ORC2: variants seen among roughly 807,000 people sequenced by gnomAD.
ORC2 encodes the protein origin recognition complex subunit 2, also known as origin recognition complex protein 2 homolog.
Under a neutral mutation model 77.7 loss-of-function variants are expected in ORC2, and 37 were observed. The ratio of observed to expected loss-of-function variants is 0.48; its 90% CI spans 0.37 to 0.63. The LOEUF is 0.63. Among genes scored for constraint, ORC2 ranks in the 20% least tolerant of loss-of-function variants. The pLI is 0.00. For synonymous variants in ORC2, 201 were observed against 229.5 expected (o/e 0.88, Z 1.12); for missense variants, 557 against 661.9 (o/e 0.84, Z 1.74).
chr2:200,944,584 G>A (rs956433044), intron 5 of ORC2, among the ~76,000 whole-genome samples: 3 of 152,110 alleles, frequency 2.0e-5, no homozygotes, highest in Non-Finnish European at 4.4e-5. Context: ...AGTACCTGTC[G>A]CCCAGGAGTA....
chr2:200,950,088 T>G (rs949954100), intron 4 of ORC2, among the ~76,000 whole-genome samples: 2 of 152,138 alleles, frequency 1.3e-5, no homozygotes, highest in African/African-American at 2.4e-5. Flanking sequence ...ATCCCAGCAC[T>G]TTGGGAGGCT....
intron 6 of ORC2, 88 bp downstream of exon 6, chr2:200,942,596 TA>T: frequency 1.6e-6 from 1 of 614,116 alleles, no homozygotes; most frequent in Non-Finnish European, 2.7e-6. Flanking sequence ...AAAATATATA[TA>T]AAAATTCACA....
intron 13 of ORC2, among the ~76,000 whole-genome samples, chr2:200,924,916 G>A (rs1166747479): frequency 6.6e-6 from 1 of 151,820 alleles, no homozygotes; most frequent in Admixed American, 6.6e-5. Context: ...GTGCCACCAC[G>A]CCTGGCTAAT....
intron 11 of ORC2, among the ~76,000 whole-genome samples, chr2:200,927,592 A>G (rs1332654778): frequency 6.7e-6 from 1 of 149,142 alleles, no homozygotes; most frequent in East Asian, 2.1e-4. Flanking sequence ...TGGGAGGCTG[A>G]GGCAGGAGAA....
At chr2:200,942,370 T>TA (rs2041170023) in intron 6 of ORC2, among the ~76,000 whole-genome samples, 1 of 152,198 alleles carries the variant, frequency 6.6e-6, no homozygotes, top group Non-Finnish European at 1.5e-5. Flanking sequence ...TTATTTCATA[T>TA]AGTATTTCCC....
In ORC2 at chr2:200,935,885, C is replaced by T. The variant is rs1303047846; in HGVS notation, c.522G>A (p.Arg174=). The T allele has an allele frequency of 1.2e-6, 2 of 1,611,446 alleles. No homozygotes were observed. The highest frequency in any genetic ancestry group is 2.2e-5 in the South Asian group (2 of 90,554). Residue 174 remains arginine, a synonymous_variant, in exon 9 of 18, where the codon AGG becomes AGA. Coordinates refer to ENST00000234296, the MANE Select transcript of ORC2 (RefSeq NM_006190.5). ...RSLRKRLIVP[R]SHSDSESEYS... ...ATTCGCTTTCACTGTCAGAATGAGA[C>T]CTTGGAACTGTGGGGGGAAAAATAG... is the stretch of plus-strand genomic sequence containing the variant.
intron 5 of ORC2, among the ~76,000 whole-genome samples, chr2:200,947,968 G>A (rs2041280760): frequency 6.6e-6 from 1 of 151,802 alleles, no homozygotes; most frequent in Non-Finnish European, 1.5e-5. Flanking sequence ...GAGTGCAGTG[G>A]CGCGATCTCG....
intron 1 of ORC2, among the ~76,000 whole-genome samples, chr2:200,961,105 C>T (rs2041561773): frequency 1.3e-5 from 2 of 151,964 alleles, no homozygotes; most frequent in African/African-American, 2.4e-5. Flanking sequence ...CTCTATTACA[C>T]CACATACCTC....
chr2:200,941,495 T>TAAAAAAAAAAAAAAA (rs762042280), intron 6 of ORC2, among the ~76,000 whole-genome samples: 1 of 105,070 alleles, frequency 9.5e-6, no homozygotes. Context: ...AATTAAAAAT[T>TAAAAAAAAAAAAAAA]AAAAAAAAAA....
At chr2:200,920,427 ATTATTT>A (rs1165390268) in intron 14 of ORC2, 34 bp from the exon 15 acceptor site, 1 of 1,434,880 alleles carries the variant, frequency 7.0e-7, no homozygotes, top group African/African-American at 1.4e-5. Flanking sequence ...AGAATTACAA[ATTATTT>A]TTATATTGTC....
In ORC2 at chr2:200,961,238, G is replaced by A. The variant is rs16836303; in HGVS notation, c.-59-1798C>T. On this transcript the variant is annotated intron_variant, in intron 1 of 17. Transcript: ENST00000234296. The stretch of plus-strand genomic sequence containing the variant: ...TCAGCTCTGTCACCCAGGCTGGAGT[G>A]CAGTGGTGCGATCTCAGCTCACTGC... Among the ~76,000 whole-genome samples, 791 of 152,254 alleles carry A rather than the reference G, an allele frequency of 5.2e-3. 4 individuals are homozygous for A. Among genetic ancestry groups the A allele is most frequent in the South Asian group, 0.028 (136 of 4,820 alleles).
In ORC2 at chr2:200,940,321, C is replaced by T. The variant is rs1018978450; in HGVS notation, c.453+927G>A. 2.0e-5 allele frequency among the ~76,000 whole-genome samples: 3 copies of T among 152,152 alleles called. No homozygotes were observed. The East Asian group carries it at 5.8e-4, about 29-fold the overall frequency. ...GGGGAGTAACACTGCAGAGAGCTAC[C>T]TGTCTTGTGGCTGCCCAAGACCATG... On this transcript the variant is annotated intron_variant, in intron 7 of 17. Transcript: ENST00000234296.
chr2:200,943,003 C>A, intron 5 of ORC2: 2 of 324,538 alleles, frequency 6.2e-6, no homozygotes, highest in Non-Finnish European at 1.1e-5. Flanking sequence ...AAAGAAAATA[C>A]AAATAACTAA....
rs568312658 is a variant in ORC2 at position 200,944,409 on chromosome 2, G to A, written c.329-1632C>T. 2.0e-3 allele frequency among the ~76,000 whole-genome samples: 302 copies of A among 152,208 alleles called. 1 individual carries two copies. The highest frequency in any genetic ancestry group is 3.3e-3 in the Non-Finnish European group (227 of 68,002). On this transcript the variant is annotated intron_variant, in intron 5 of 17. Coordinates refer to ENST00000234296, the MANE Select transcript of ORC2 (RefSeq NM_006190.5). ...AGGCTAGTCTCAAACTCCTGACCTC[G>A]TGATCTGCCTGCCTTGGCCTCCCAA...
intron 10 of ORC2, among the ~76,000 whole-genome samples, chr2:200,932,463 C>T (rs2040961464): frequency 6.6e-6 from 1 of 151,790 alleles, no homozygotes; most frequent in African/African-American, 2.4e-5. Context: ...CCTCAGCCTC[C>T]TGAGTAGCTG....
chr2:200,958,978 C>T (rs1019056741), intron 2 of ORC2, among the ~76,000 whole-genome samples: 1 of 152,144 alleles, frequency 6.6e-6, no homozygotes, highest in Non-Finnish European at 1.5e-5. Context: ...CTTGTTTTCA[C>T]CTTTTCTTTT....
chr2:200,932,172 TA>T (rs955222805), intron 10 of ORC2, among the ~76,000 whole-genome samples: 6 of 150,162 alleles, frequency 4.0e-5, no homozygotes, highest in African/African-American at 9.8e-5. Flanking sequence ...AGTAGGTAGT[TA>T]AAAAAAAACA....
intron 13 of ORC2, among the ~76,000 whole-genome samples, chr2:200,921,926 C>T (rs1032117616): frequency 2.6e-5 from 4 of 151,964 alleles, no homozygotes; most frequent in Admixed American, 2.0e-4. Context: ...TGTGAGCCGC[C>T]GTGCTCAGCC....
Position 200,935,805 on chromosome 2 carries a change from T to A in ORC2, c.602A>T (p.Asp201Val), listed in dbSNP as rs1230495338. 1.2e-6 allele frequency: 2 copies of A among 1,614,082 alleles called. No individual in the cohort carries two copies. Among genetic ancestry groups the A allele is most frequent in the South Asian group, 2.2e-5 (2 of 91,078 alleles). ...DEGVAQEHEE[D>V]TNAVIFSQKI... ...TTGGCTGAATATGACTGCATTAGTG[T>A]CCTCTTCATGTTCCTGTGCAACCCC... The change falls in exon 9 of 18, where the codon GAC becomes GTC. Residue 201 changes from aspartate to valine, a missense_variant. Physicochemically the swap from Asp to Val is radical, Grantham distance 152. Coordinates refer to ENST00000234296, the MANE Select transcript of ORC2 (RefSeq NM_006190.5).
Sources: gnomAD v4.1 joint callset for allele counts (sites outside exome capture counted in the v4.1 genomes callset) on GRCh38, gnomAD v4.1.1 for gene constraint, MANE v1.5 for transcripts, NCBI Gene and HGNC (gene_info 2026-07-23, HGNC 2026-07-21) for gene names.